RALGAPA2: variants seen among roughly 807,000 people sequenced by gnomAD.
RALGAPA2 encodes Ral GTPase activating protein catalytic subunit alpha 2.
RALGAPA2 carries 139 observed loss-of-function variants against 230.4 expected under a neutral mutation model. The observed-to-expected ratio is 0.60, with a 90% CI of 0.53 to 0.69. RALGAPA2 has a LOEUF of 0.69. Among genes scored for constraint, RALGAPA2 ranks in the 30% least tolerant of loss-of-function variants. RALGAPA2 has a pLI of 0.00. For missense variants in RALGAPA2, 2,163 were observed against 2,276.0 expected (o/e 0.95, Z 1.01); for synonymous variants, 847 against 837.8 (o/e 1.01, Z -0.19).
intron 10 of RALGAPA2, among the ~76,000 whole-genome samples, chr20:20,628,609 G>A (rs751117441): frequency 6.6e-6 from 1 of 152,046 alleles, no homozygotes; most frequent in Non-Finnish European, 1.5e-5. Context: ...GGCCATTCTG[G>A]GCATTGCAGG....
Position 20,512,628 on chromosome 20 carries a change from C to T in RALGAPA2, c.4741G>A (p.Asp1581Asn), listed in dbSNP as rs756631931. The T allele has an allele frequency of 1.5e-5, 25 of 1,613,796 alleles. No homozygotes were observed. Among genetic ancestry groups the T allele is most frequent in the Admixed American group, 1.3e-4 (8 of 60,000 alleles). ...EDEYIQSHNFDSAMKVTSQGQ... is the reference protein window; with the variant it reads ...EDEYIQSHNFNSAMKVTSQGQ... Reference sequence around the variant, plus strand: ...TGGCTGGTGACTTTCATTGCAGAATCGAAGTTATGACTCTGGATATACTCA... The same window carrying T: ...TGGCTGGTGACTTTCATTGCAGAATTGAAGTTATGACTCTGGATATACTCA... The change falls in exon 32 of 40, where the codon GAT becomes AAT. Residue 1581 changes from aspartate (D) to asparagine (N), a missense_variant. Physicochemically the swap from Asp to Asn is conservative, Grantham distance 23. Transcript: ENST00000202677.
intron 37 of RALGAPA2, among the ~76,000 whole-genome samples, chr20:20,438,138 C>G (rs2060654195): frequency 6.6e-6 from 1 of 152,210 alleles, no homozygotes; most frequent in South Asian, 2.1e-4. Context: ...TGAAACATTT[C>G]TTTCCGTTAT....
At chr20:20,675,886 A>C in intron 3 of RALGAPA2, among the ~76,000 whole-genome samples, 1 of 152,102 alleles carries the variant, frequency 6.6e-6, no homozygotes, top group African/African-American at 2.4e-5. Flanking sequence ...GGGTTTTTAA[A>C]TTTTTTTATT....
chr20:20,530,325 T>A (rs2063334508), intron 27 of RALGAPA2, among the ~76,000 whole-genome samples: 1 of 152,186 alleles, frequency 6.6e-6, no homozygotes, highest in Admixed American at 6.5e-5. Context: ...TTCTGTGATA[T>A]TTTGGTTGGA....
chr20:20,585,934 GAATA>G (rs2065121375), intron 18 of RALGAPA2, among the ~76,000 whole-genome samples: 1 of 151,870 alleles, frequency 6.6e-6, no homozygotes, highest in African/African-American at 2.4e-5. Context: ...TTAAAAGAAA[GAATA>G]ATTATTAAGC....
At chr20:20,424,727 A>G (rs2060345169) in intron 37 of RALGAPA2, among the ~76,000 whole-genome samples, 1 of 152,184 alleles carries the variant, frequency 6.6e-6, no homozygotes, top group Non-Finnish European at 1.5e-5. Context: ...GGTGCAGCAC[A>G]CCAACATGGC....
At chr20:20,557,854 G>C (rs1157937203) in intron 23 of RALGAPA2, among the ~76,000 whole-genome samples, 1 of 152,168 alleles carries the variant, frequency 6.6e-6, no homozygotes, top group Non-Finnish European at 1.5e-5. Flanking sequence ...ATCAAGGCCA[G>C]AACTGCAGTT....
At chr20:20,494,779 T>C (rs1366765913) in intron 36 of RALGAPA2, among the ~76,000 whole-genome samples, 1 of 152,264 alleles carries the variant, frequency 6.6e-6, no homozygotes, top group Non-Finnish European at 1.5e-5. Context: ...CCTTCAACTC[T>C]TATTATTAAT....
intron 8 of RALGAPA2, among the ~76,000 whole-genome samples, chr20:20,635,851 T>C (rs1233688736): frequency 6.6e-6 from 1 of 152,224 alleles, no homozygotes; most frequent in Non-Finnish European, 1.5e-5. Flanking sequence ...ATCTATGATA[T>C]ACAGCTATGG....
At chr20:20,632,283 G>C (rs1456456877) in intron 9 of RALGAPA2, among the ~76,000 whole-genome samples, 1 of 151,996 alleles carries the variant, frequency 6.6e-6, no homozygotes, top group Non-Finnish European at 1.5e-5. Context: ...GCCCGCCTCG[G>C]CCTCCCAAAG....
At chr20:20,455,265 G>C (rs1010893730) in intron 37 of RALGAPA2, among the ~76,000 whole-genome samples, 1 of 152,250 alleles carries the variant, frequency 6.6e-6, no homozygotes. Context: ...GGGTCTCGCT[G>C]TGCGAAAGGA....
At chr20:20,405,138 G>A (rs1473809505) in intron 38 of RALGAPA2, among the ~76,000 whole-genome samples, 1 of 152,106 alleles carries the variant, frequency 6.6e-6, no homozygotes, top group Non-Finnish European at 1.5e-5. Context: ...TAATACAAAC[G>A]AGGCAAGTTT....
At chr20:20,664,198 T>A (rs2067881196) in intron 3 of RALGAPA2, among the ~76,000 whole-genome samples, 1 of 152,226 alleles carries the variant, frequency 6.6e-6, no homozygotes, top group Admixed American at 6.5e-5. Context: ...AAGGTGAAAC[T>A]GCAGATAAGG....
At chr20:20,594,728 C>A (rs987750170) in intron 16 of RALGAPA2, among the ~76,000 whole-genome samples, 1 of 134,042 alleles carries the variant, frequency 7.5e-6, no homozygotes, top group African/African-American at 2.7e-5. Flanking sequence ...CTATTACTTT[C>A]TTTTTTTTTT....
chr20:20,616,148 C>A lies in RALGAPA2; in HGVS notation c.1583G>T (p.Cys528Phe). The change falls in exon 13 of 40, where the codon TGT becomes TTT. Residue 528 changes from cysteine (C) to phenylalanine (F), a missense_variant. Physicochemically the swap from Cys to Phe is radical, Grantham distance 205. Transcript: ENST00000202677. ...NSANIFLLEPCAEVPVLLKEQ... is the reference protein window; with the variant it reads ...NSANIFLLEPFAEVPVLLKEQ... ...TTTCAAGAGCACAGGAACTTCAGCA[C>A]ATGGTTCCAACAAAAAGATGTTTGC... is the stretch of plus-strand genomic sequence containing the variant. 2 of 1,548,354 alleles carry A rather than the reference C, an allele frequency of 1.3e-6. No homozygotes were observed. Among genetic ancestry groups the A allele is most frequent in the Non-Finnish European group, 1.7e-6 (2 of 1,147,556 alleles).
intron 37 of RALGAPA2, among the ~76,000 whole-genome samples, chr20:20,433,253 G>A (rs547441511): frequency 2.6e-5 from 4 of 152,144 alleles, no homozygotes; most frequent in African/African-American, 4.8e-5. Flanking sequence ...TTAAGGCTCC[G>A]AGTTCAAGAT....
chr20:20,512,129 C>T (rs1001205060), intron 32 of RALGAPA2, among the ~76,000 whole-genome samples: 1 of 151,448 alleles, frequency 6.6e-6, no homozygotes, highest in Non-Finnish European at 1.5e-5. Flanking sequence ...CGGAGGTTGC[C>T]GTGAGCCGAG....
intron 32 of RALGAPA2, among the ~76,000 whole-genome samples, chr20:20,512,223 C>CCCACA (rs2062727247): frequency 7.4e-6 from 1 of 135,650 alleles, no homozygotes; most frequent in Admixed American, 7.3e-5. Flanking sequence ...ACAACCCCCC[C>CCCACA]TACACACACA....
intron 36 of RALGAPA2, among the ~76,000 whole-genome samples, chr20:20,493,159 A>G (rs2062108243): frequency 6.6e-6 from 1 of 152,170 alleles, no homozygotes; most frequent in Non-Finnish European, 1.5e-5. Flanking sequence ...CAGGGACTGA[A>G]GCCAAACAAA....
Sources: allele counts gnomAD v4.1 joint callset (sites outside exome capture counted in the v4.1 genomes callset), GRCh38; gene constraint gnomAD v4.1.1; transcripts MANE v1.5; gene names NCBI Gene and HGNC (gene_info 2026-07-23, HGNC 2026-07-21).